Variants in LZTFL1 observed in about 807,000 individuals in gnomAD.
LZTFL1 encodes leucine zipper transcription factor like 1, also known as leucine zipper transcription factor-like protein 1.
A neutral mutation model predicts 45.9 loss-of-function variants in LZTFL1; 25 were observed. The observed-to-expected ratio is 0.54, with a 90% CI of 0.40 to 0.76. The LOEUF (loss-of-function observed/expected upper bound fraction) is 0.76. Among genes scored for constraint, LZTFL1 ranks in the 30% least tolerant of loss-of-function variants. The probability of loss-of-function intolerance (pLI) is 0.00; values close to 1 mark genes in which losing one functional copy is unlikely to be tolerated. For missense variants in LZTFL1, 277 were observed against 331.1 expected, an observed-to-expected ratio of 0.84 and a Z score of 1.27; for synonymous variants, 93 against 117.4, an observed-to-expected ratio of 0.79 and a Z score of 1.35.
At chr3:45,880,775 G>A (rs1168334247) in intron 2 of LZTFL1, among the ~76,000 whole-genome samples, 3 of 152,050 alleles carry the variant, frequency 2.0e-5, no homozygotes, top group African/African-American at 7.2e-5. Context: ...TGTCACTCAG[G>A]CCTTAAGTGT....
chr3:45,888,408 C>A (rs1702048558), intron 2 of LZTFL1, among the ~76,000 whole-genome samples: 1 of 152,224 alleles, frequency 6.6e-6, no homozygotes, highest in Non-Finnish European at 1.5e-5. Context: ...ATAGCACTTT[C>A]CCTTTGTTGT....
chr3:45,838,104 G>C, intron 1 of LZTFL1, 53 bp from the exon 2 acceptor site: 1 of 1,534,412 alleles, frequency 6.5e-7, no homozygotes, highest in Non-Finnish European at 8.8e-7. Flanking sequence ...TGATCAAAGA[G>C]CCAACAATGA....
At chr3:45,873,645 C>T (rs957616986) in intron 2 of LZTFL1, among the ~76,000 whole-genome samples, 1 of 152,142 alleles carries the variant, frequency 6.6e-6, no homozygotes, top group Non-Finnish European at 1.5e-5. Context: ...TGTTTCCCCT[C>T]TCCCCTCGAT....
At chr3:45,890,695 G>A (rs1406732393) in intron 2 of LZTFL1, among the ~76,000 whole-genome samples, 2 of 152,082 alleles carry the variant, frequency 1.3e-5, no homozygotes, top group Non-Finnish European at 2.9e-5. Flanking sequence ...TTCGGCTTAG[G>A]AGGAAAGGGG....
chr3:45,846,281 C>T (rs530493761), upstream of LZTFL1, among the ~76,000 whole-genome samples: 44 of 152,312 alleles, frequency 2.9e-4, no homozygotes, highest in African/African-American at 1.0e-3. Context: ...ATTTAGTTCT[C>T]ATGACTTAAC....
chr3:45,883,898 A>G (rs1701912655), intron 2 of LZTFL1: 2 of 514,782 alleles, frequency 3.9e-6, no homozygotes, highest in South Asian at 4.8e-5. Context: ...CAAAACACTG[A>G]CAATCCTCTC....
At chr3:45,909,910 G>A (rs1295590541) in intron 2 of LZTFL1, among the ~76,000 whole-genome samples, 2 of 152,188 alleles carry the variant, frequency 1.3e-5, no homozygotes, top group Admixed American at 1.3e-4. Context: ...GACAAGGTGG[G>A]ACCATCACCC....
chr3:45,877,514 G>A (rs1013567437), intron 2 of LZTFL1, among the ~76,000 whole-genome samples: 1 of 151,738 alleles, frequency 6.6e-6, no homozygotes, highest in Non-Finnish European at 1.5e-5. Flanking sequence ...GTTTACAGGC[G>A]TAAACCACTG....
intron 4 of LZTFL1, among the ~76,000 whole-genome samples, chr3:45,853,613 C>T (rs922935758): frequency 6.6e-6 from 1 of 152,188 alleles, no homozygotes; most frequent in African/African-American, 2.4e-5. Context: ...AGATCCCATT[C>T]TCATCTAAGC....
intron 2 of LZTFL1, among the ~76,000 whole-genome samples, chr3:45,891,148 C>G (rs1171283544): frequency 6.6e-6 from 1 of 152,174 alleles, no homozygotes; most frequent in Admixed American, 6.5e-5. Context: ...TTCCTGGCCC[C>G]CAGAGGGCTG....
chr3:45,901,347 A>G lies in LZTFL1; in HGVS notation c.-215+11773T>C, dbSNP rs1035842645. On this transcript the variant is annotated intron_variant, in intron 2 of 4. Transcript: ENST00000472635. The surrounding 1 kb of genome is among the most constrained non-coding windows in gnomAD (Gnocchi z 4.3). Reference sequence around the variant, plus strand: ...TCTCTGCATCCCAGAAATCTTATACAGCCAAATCAAGGAGGAATCCGGCAT... The same window carrying G: ...TCTCTGCATCCCAGAAATCTTATACGGCCAAATCAAGGAGGAATCCGGCAT... 2 of 1,614,044 alleles carry G rather than the reference A, an allele frequency of 1.2e-6. No individual in the cohort carries two copies. Among genetic ancestry groups the G allele is most frequent in the African/African-American group, 2.7e-5 (2 of 74,930 alleles).
chr3:45,828,103 A>G (rs947252581), intron 8 of LZTFL1, among the ~76,000 whole-genome samples: 2 of 152,206 alleles, frequency 1.3e-5, no homozygotes, highest in Non-Finnish European at 2.9e-5. Flanking sequence ...TCCTTAAAAA[A>G]AACAGTCCCT....
At chr3:45,872,251 T>C (rs1701682121) in intron 2 of LZTFL1, among the ~76,000 whole-genome samples, 1 of 152,112 alleles carries the variant, frequency 6.6e-6, no homozygotes, top group South Asian at 2.1e-4. Flanking sequence ...TGGAGGAGGC[T>C]ATGGAGCAAA....
At chr3:45,883,408 C>T (rs1701899262) in intron 2 of LZTFL1, among the ~76,000 whole-genome samples, 1 of 152,182 alleles carries the variant, frequency 6.6e-6, no homozygotes, top group Admixed American at 6.5e-5. Context: ...GAGGCAACCC[C>T]GTTAACTCAC....
chr3:45,899,644 T>G (rs1417631660), intron 2 of LZTFL1, among the ~76,000 whole-genome samples: 1 of 152,118 alleles, frequency 6.6e-6, no homozygotes, highest in East Asian at 1.9e-4. Flanking sequence ...CTGGTGGAAT[T>G]TGGGAGTCCT....
At chr3:45,887,354 A>G (rs535912457) in intron 2 of LZTFL1, among the ~76,000 whole-genome samples, 1 of 152,264 alleles carries the variant, frequency 6.6e-6, no homozygotes, top group African/African-American at 2.4e-5. Context: ...AGGGTGCTTC[A>G]GGAGTTTTTA....
chr3:45,904,601 T>G (rs1002704744), intron 2 of LZTFL1, among the ~76,000 whole-genome samples: 1 of 152,234 alleles, frequency 6.6e-6, no homozygotes, highest in African/African-American at 2.4e-5. Context: ...TCCTTCCATT[T>G]TGGTCTTGTG....
At chr3:45,913,273 A>T (rs989488531) in intron 1 of LZTFL1, 2 of 912,864 alleles carry the variant, frequency 2.2e-6, no homozygotes, top group Non-Finnish European at 3.3e-6. Flanking sequence ...CTTGTTTTTC[A>T]TGAGGACCTG....
At chr3:45,909,439 C>A (rs1459700297) in intron 2 of LZTFL1, among the ~76,000 whole-genome samples, 3 of 152,198 alleles carry the variant, frequency 2.0e-5, no homozygotes, top group African/African-American at 7.2e-5. Flanking sequence ...ACACTTCCCA[C>A]TTTTCTTTCC....
Sources: allele counts gnomAD v4.1 joint callset (sites outside exome capture counted in the v4.1 genomes callset), GRCh38; gene constraint gnomAD v4.1.1; non-coding constraint Gnocchi (gnomAD v3.1); transcripts MANE v1.5; gene names NCBI Gene and HGNC (gene_info 2026-07-23, HGNC 2026-07-21).